The following ASCC2 variants were observed in gnomAD, a reference collection of about 807,000 sequenced individuals.
ASCC2 encodes the protein ASC-1 complex subunit P100.
ASCC2 carries 42 observed loss-of-function variants against 93.5 expected under a neutral mutation model. That is an observed-to-expected ratio of 0.45 (90% CI 0.35 to 0.58). The LOEUF is 0.58. Among genes scored for constraint, ASCC2 ranks in the 20% least tolerant of loss-of-function variants. The pLI, the probability that ASCC2 is intolerant of heterozygous loss-of-function variation, is 0.00. For missense variants in ASCC2, 859 were observed against 977.6 expected, an observed-to-expected ratio of 0.88 and a Z score of 1.62; for synonymous variants, 364 against 384.2, an observed-to-expected ratio of 0.95 and a Z score of 0.62.
chr22:29,828,903 A>G (rs961382555), intron 2 of ASCC2, among the ~76,000 whole-genome samples: 1 of 152,222 alleles, frequency 6.6e-6, no homozygotes, highest in African/African-American at 2.4e-5. Flanking sequence ...GGCTGGGTAC[A>G]GTGGCTCATG....
At chr22:29,835,221 A>AC (rs1238332501) in intron 1 of ASCC2, among the ~76,000 whole-genome samples, 1 of 152,084 alleles carries the variant, frequency 6.6e-6, no homozygotes, top group East Asian at 1.9e-4. Context: ...ACATAGTGAG[A>AC]CCCCCATCTC....
Position 29,804,771 on chromosome 22 carries a change from T to C in ASCC2, c.1220A>G (p.Asp407Gly), listed in dbSNP as rs181641655. 261 of 1,614,146 alleles carry C rather than the reference T, an allele frequency of 1.6e-4. 3 individuals are homozygous for C. In the Admixed American group the frequency reaches 4.2e-3, roughly 26 times the overall value. The change falls in exon 13 of 20, where the codon GAC becomes GGC. Residue 407 changes from aspartate (D) to glycine (G), a missense_variant. Asp to Gly is a moderately conservative substitution (Grantham distance 94). Coordinates refer to ENST00000307790, the MANE Select transcript of ASCC2 (RefSeq NM_032204.5). ...TTTAGCATCTGTGGCTTTCCGTCTG[T>C]CCACCCCTTCCCATGCACTCTCGAC... ...QAVESAWEGV[D>G]RRKATDAKDP...
At chr22:29,804,915 C>G in intron 12 of ASCC2, 85 bp from the exon 13 acceptor site, 1 of 1,443,144 alleles carries the variant, frequency 6.9e-7, no homozygotes, top group South Asian at 1.3e-5. Context: ...CATCTGACCA[C>G]ATGGTTCCTG....
chr22:29,836,183 G>A (rs1170441266), intron 1 of ASCC2, among the ~76,000 whole-genome samples: 1 of 151,930 alleles, frequency 6.6e-6, no homozygotes, highest in Non-Finnish European at 1.5e-5. Flanking sequence ...GAAGGAAGAG[G>A]GAGACATTTG....
At chr22:29,816,196 C>T in intron 5 of ASCC2, 123 bp from the exon 6 acceptor site, 1 of 806,736 alleles carries the variant, frequency 1.2e-6, no homozygotes, top group Non-Finnish European at 2.0e-6. Context: ...ATCCTATCTG[C>T]AGCTAGGACC....
At position 29,789,089 on chromosome 22, in the gene ASCC2, T is replaced by C; in HGVS notation, c.2198A>G (p.Asn733Ser). Residue 733 changes from asparagine to serine, a missense_variant, in exon 20 of 20, where the codon AAC (asparagine) becomes AGC (serine). Asn to Ser is a conservative substitution (Grantham distance 46, BLOSUM62 1). Coordinates refer to ENST00000307790, the MANE Select transcript of ASCC2 (RefSeq NM_032204.5). ...TTQERRKKEANKATRANHNRR... is the reference protein window; with the variant it reads ...TTQERRKKEASKATRANHNRR... ...GTTGTGGTTGGCTCTTGTCGCCTTG[T>C]TGGCTTCCTTCTTCCTGCGTTCCTG... The C allele has an allele frequency of 1.2e-6, 2 of 1,614,198 alleles. No individual in the cohort carries two copies. Among genetic ancestry groups the C allele is most frequent in the Non-Finnish European group, 1.7e-6 (2 of 1,180,020 alleles).
At chr22:29,836,784 C>T (rs1215845891) in intron 1 of ASCC2, among the ~76,000 whole-genome samples, 2 of 152,152 alleles carry the variant, frequency 1.3e-5, no homozygotes, top group Non-Finnish European at 1.5e-5. Flanking sequence ...AACTCCTGAC[C>T]TCAGGTGATC....
chr22:29,828,251 T>C (rs1183268768), intron 2 of ASCC2, among the ~76,000 whole-genome samples: 2 of 152,100 alleles, frequency 1.3e-5, no homozygotes, highest in Non-Finnish European at 2.9e-5. Context: ...AGGGCACAGA[T>C]TGCACTGGGC....
intron 8 of ASCC2, among the ~76,000 whole-genome samples, chr22:29,811,632 T>C (rs2060289330): frequency 6.6e-6 from 1 of 152,134 alleles, no homozygotes; most frequent in Admixed American, 6.5e-5. Context: ...AGCCCCAGGG[T>C]GTTCGTGGGT....
intron 8 of ASCC2, among the ~76,000 whole-genome samples, chr22:29,810,905 A>G (rs113359746): frequency 2.4e-4 from 36 of 152,058 alleles, no homozygotes; most frequent in African/African-American, 7.9e-4. Flanking sequence ...TAATTTTTGT[A>G]TTTTTAGTAG....
In ASCC2 at chr22:29,825,822, T is replaced by C. The variant is rs2062230844; in HGVS notation, c.82-42A>G. ...CACGTGTTAACGTGGCAGAGGTTAG[T>C]CAGCGAGGGCCCATTTGCCAACCCA... On this transcript the variant is annotated intron_variant, in intron 2 of 19. Coordinates refer to ENST00000307790, the MANE Select transcript of ASCC2 (RefSeq NM_032204.5). The surrounding 1 kb of genome is among the most constrained non-coding windows in gnomAD (Gnocchi z 4.9). 6.4e-7 allele frequency: 1 copy of C among 1,569,500 alleles called. No individual in the cohort carries two copies. Among genetic ancestry groups the C allele is most frequent in the Non-Finnish European group, 8.7e-7 (1 of 1,155,198 alleles).
chr22:29,795,932 A>G (rs74769023), intron 15 of ASCC2, among the ~76,000 whole-genome samples: 9,706 of 152,130 alleles, frequency 0.064, 380 homozygotes, highest in Non-Finnish European at 0.085. Flanking sequence ...TAATAAAAAA[A>G]AAAAGAAAAG....
At chr22:29,814,897 A>G in intron 6 of ASCC2, 130 bp from the exon 7 acceptor site, 7 of 684,582 alleles carry the variant, frequency 1.0e-5, no homozygotes, top group Non-Finnish European at 1.7e-5. Context: ...TTTCCAGGAT[A>G]TAAGCTGAGA....
chr22:29,824,868 G>A (rs2062094645), intron 4 of ASCC2, among the ~76,000 whole-genome samples: 2 of 152,186 alleles, frequency 1.3e-5, no homozygotes, highest in African/African-American at 4.8e-5. Flanking sequence ...AGGGCCCTCG[G>A]CTCTCTTTGA....
At chr22:29,801,797 T>C (rs2059114609) in intron 14 of ASCC2, among the ~76,000 whole-genome samples, 197 bp downstream of exon 14, 1 of 151,968 alleles carries the variant, frequency 6.6e-6, no homozygotes, top group Non-Finnish European at 1.5e-5. Flanking sequence ...GTACACTCTC[T>C]GCCCTGCCTG....
In ASCC2 at chr22:29,825,494, T is replaced by C; in HGVS notation, c.240+128A>G. 1 of 1,350,328 alleles carries C rather than the reference T, an allele frequency of 7.4e-7. No homozygotes were observed. Among genetic ancestry groups the C allele is most frequent in the Non-Finnish European group, 1.0e-6 (1 of 960,180 alleles). The allele number at this position is 1,350,328 out of a possible 1,614,324, so 83.6% of individuals were successfully genotyped here. On this transcript the variant is annotated intron_variant, in intron 3 of 19. Transcript: ENST00000307790. This position sits in a 1 kb window ranked among gnomAD's most constrained non-coding sequence, Gnocchi z 4.9. ...AAGACAGAGCAATCCGAACCACAAT[T>C]TGCTGTTAAGGATCCAGTGAAAGAA...
intron 13 of ASCC2, 28 bp from the exon 14 acceptor site, chr22:29,802,236 G>A (rs113225934): frequency 6.2e-7 from 1 of 1,610,788 alleles, no homozygotes; most frequent in Admixed American, 1.7e-5. Context: ...GCCAAGAAGG[G>A]GAAGGCTAAG....
chr22:29,810,979 C>T (rs764260908), intron 8 of ASCC2, among the ~76,000 whole-genome samples: 17 of 152,176 alleles, frequency 1.1e-4, no homozygotes, highest in Non-Finnish European at 2.1e-4. Context: ...GGTCTGCCTG[C>T]CTTGGCCTCC....
intron 8 of ASCC2, chr22:29,810,017 C>T (rs2060109302): frequency 6.6e-6 from 1 of 152,270 alleles, no homozygotes; most frequent in Non-Finnish European, 1.5e-5. Flanking sequence ...AATTCAAACT[C>T]TCCATCCCAG....
Sources: allele counts gnomAD v4.1 joint callset (sites outside exome capture counted in the v4.1 genomes callset), GRCh38; gene constraint gnomAD v4.1.1; non-coding constraint Gnocchi (gnomAD v3.1); transcripts MANE v1.5; gene names NCBI Gene and HGNC (gene_info 2026-07-23, HGNC 2026-07-21).